LNPEP: variants seen among roughly 807,000 people sequenced by gnomAD.
The protein encoded by LNPEP is leucyl-cystinyl aminopeptidase.
Under a neutral mutation model 120.6 loss-of-function variants are expected in LNPEP, and 64 were observed. That is an observed-to-expected ratio of 0.53 (90% CI 0.43 to 0.65). The LOEUF (loss-of-function observed/expected upper bound fraction) is 0.65, where lower values mean the gene tolerates loss of function less well. Ranked by LOEUF, LNPEP falls within the 30% of genes least tolerant of loss-of-function variation. The probability of loss-of-function intolerance (pLI) is 0.00; values close to 1 mark genes in which losing one functional copy is unlikely to be tolerated. For missense variants in LNPEP, 1,057 were observed against 1,200.0 expected, an observed-to-expected ratio of 0.88 and a Z score of 1.76; for synonymous variants, 435 against 425.4, an observed-to-expected ratio of 1.02 and a Z score of -0.28.
At position 97,036,198 on chromosome 5, in the gene LNPEP, G is replaced by A. The variant is rs1470660460; in HGVS notation, c.*7665G>A. 2 of 152,026 alleles carry A rather than the reference G, an allele frequency of 1.3e-5. No individual in the cohort carries two copies. The highest frequency in any genetic ancestry group is 2.4e-5 in the African/African-American group (1 of 41,378). The allele number at this position is 152,026 out of a possible 1,614,324, so 9.4% of individuals were successfully genotyped here. On this transcript the variant is annotated 3_prime_UTR_variant, in exon 18 of 18. Coordinates refer to ENST00000231368, the MANE Select transcript of LNPEP (RefSeq NM_005575.3). ...CTTGGAATGACCCTTTCGAGTTATT[G>A]ACATGGCTCTGATGAATAGAACATG...
At chr5:96,988,408 G>A (rs1790293610) in intron 4 of LNPEP, among the ~76,000 whole-genome samples, 1 of 136,680 alleles carries the variant, frequency 7.3e-6, no homozygotes, top group South Asian at 2.2e-4. Context: ...GCACAATTTC[G>A]GTTCACCACA....
chr5:97,022,301 C>G lies in LNPEP; in HGVS notation c.2378C>G (p.Thr793Ser). The change falls in exon 14 of 18, where the codon ACT (threonine) becomes AGT (serine). Residue 793 changes from threonine to serine, a missense_variant and splice_region_variant. By Grantham distance (58) the Thr-to-Ser change is moderately conservative. Coordinates refer to ENST00000231368, the MANE Select transcript of LNPEP (RefSeq NM_005575.3). The part of the protein sequence containing the change: ...GYMDLASRLV[T>S]RVFKLLQNQI... ...TTATAATCTATTTTGTCTCTCTAGA[C>G]TAGGGTATTTAAATTACTTCAAAAC... 6.4e-7 allele frequency: 1 copy of G among 1,568,162 alleles called. No homozygotes were observed. Among genetic ancestry groups the G allele is most frequent in the Non-Finnish European group, 8.8e-7 (1 of 1,142,002 alleles).
intron 1 of LNPEP, among the ~76,000 whole-genome samples, chr5:96,957,736 T>C (rs958004716): frequency 7.2e-5 from 11 of 152,204 alleles, no homozygotes; most frequent in African/African-American, 2.7e-4. Flanking sequence ...GCTATCTTGA[T>C]TTTAGCCCAG....
At chr5:96,950,778 A>AC (rs1789300524) in intron 1 of LNPEP, among the ~76,000 whole-genome samples, 1 of 152,180 alleles carries the variant, frequency 6.6e-6, no homozygotes, top group Admixed American at 6.5e-5. Flanking sequence ...CACACAACTT[A>AC]AATTATTGTG....
At chr5:96,942,287 C>A (rs1311650633) in intron 1 of LNPEP, 1 of 152,090 alleles carries the variant, frequency 6.6e-6, no homozygotes, top group Admixed American at 6.5e-5. Context: ...GCCGCTCGCT[C>A]TCACCAAAAA....
chr5:96,997,021 C>A (rs1287929387), intron 7 of LNPEP, among the ~76,000 whole-genome samples: 1 of 151,932 alleles, frequency 6.6e-6, no homozygotes, highest in African/African-American at 2.4e-5. Flanking sequence ...ACATTTTATG[C>A]CTTTTTCCAA....
intron 1 of LNPEP, among the ~76,000 whole-genome samples, chr5:96,967,071 G>C (rs1002837039): frequency 1.3e-5 from 2 of 152,030 alleles, no homozygotes; most frequent in Non-Finnish European, 2.9e-5. Context: ...AGGTATAGTG[G>C]AACTTTAGAT....
At chr5:97,021,763 A>G (rs900252644) in intron 13 of LNPEP, among the ~76,000 whole-genome samples, 1 of 152,016 alleles carries the variant, frequency 6.6e-6, no homozygotes, top group South Asian at 2.1e-4. Flanking sequence ...AGCCTTATGC[A>G]TAGCCTTATT....
chr5:97,025,894 G>A (rs553871702), intron 15 of LNPEP, among the ~76,000 whole-genome samples: 155 of 152,184 alleles, frequency 1.0e-3, no homozygotes, highest in African/African-American at 3.3e-3. Context: ...AATCCATCAC[G>A]TTTTGTTGGG....
At chr5:97,014,427 G>A (rs369010546) in intron 12 of LNPEP, among the ~76,000 whole-genome samples, 3 of 151,886 alleles carry the variant, frequency 2.0e-5, no homozygotes, top group South Asian at 2.1e-4. Context: ...CCCTTCTTAC[G>A]TCATCCTAGC....
chr5:96,966,081 C>T (rs1479246981), intron 1 of LNPEP, among the ~76,000 whole-genome samples: 1 of 152,010 alleles, frequency 6.6e-6, no homozygotes, highest in Non-Finnish European at 1.5e-5. Context: ...AAAATTAAAC[C>T]AGAAGTGGCT....
chr5:97,003,666 G>A (rs147515164), intron 9 of LNPEP, 120 bp downstream of exon 9: 8 of 577,134 alleles, frequency 1.4e-5, no homozygotes, highest in African/African-American at 1.1e-4. Flanking sequence ...TTTAAGAAAG[G>A]GGGGGATGGA....
intron 13 of LNPEP, 41 bp from the exon 14 acceptor site, chr5:97,022,259 T>G (rs1791219445): frequency 8.2e-7 from 1 of 1,225,148 alleles, no homozygotes; most frequent in African/African-American, 1.5e-5. Flanking sequence ...CTGATTGTCC[T>G]AATTATTATG....
At chr5:96,989,058 G>A (rs1436525472) in intron 4 of LNPEP, among the ~76,000 whole-genome samples, 1 of 151,716 alleles carries the variant, frequency 6.6e-6, no homozygotes, top group East Asian at 1.9e-4. Context: ...GGAAGAGATA[G>A]AGAAGTTTTA....
intron 2 of LNPEP, among the ~76,000 whole-genome samples, chr5:96,980,256 A>C (rs890845428): frequency 2.6e-5 from 4 of 152,102 alleles, no homozygotes; most frequent in Admixed American, 2.6e-4. Context: ...CACATTTTTA[A>C]GGTGAATCTA....
At position 96,998,152 on chromosome 5, in the gene LNPEP, C is replaced by A. The variant is rs773815312; in HGVS notation, c.1653+7C>A. The A allele has an allele frequency of 6.3e-7, 1 of 1,585,894 alleles. No individual in the cohort carries two copies. Among genetic ancestry groups the A allele is most frequent in the Non-Finnish European group, 8.5e-7 (1 of 1,169,680 alleles). ...TTCTCTTTCCTATTTTAAGGTATTGCTGTGAACAAAAAGGTAGCTGGAGTG... is the reference window on the plus strand; with the variant it reads ...TTCTCTTTCCTATTTTAAGGTATTGATGTGAACAAAAAGGTAGCTGGAGTG... On this transcript the variant is annotated splice_region_variant and intron_variant, in intron 8 of 17. Coordinates refer to ENST00000231368, the MANE Select transcript of LNPEP (RefSeq NM_005575.3).
rs769219018 is a variant in LNPEP at position 97,027,832 on chromosome 5, A to G, written c.2946+18A>G. 1.3e-6 allele frequency: 2 copies of G among 1,499,888 alleles called. No homozygotes were observed. The highest frequency in any genetic ancestry group is 9.3e-7 in the Non-Finnish European group (1 of 1,075,924). The allele number at this position is 1,499,888 out of a possible 1,614,324, so 92.9% of individuals were successfully genotyped here. A position where few individuals can be genotyped will look rare whatever the true frequency, so the allele number is the denominator to read the frequency against. ...TATCTGAGGTTGGTTTTATAAAATG[A>G]TAATACAGAGACTGGGCAACCCTCC... is the stretch of plus-strand genomic sequence containing the variant. On this transcript the variant is annotated intron_variant, in intron 17 of 17. Coordinates refer to ENST00000231368, the MANE Select transcript of LNPEP (RefSeq NM_005575.3).
intron 1 of LNPEP, among the ~76,000 whole-genome samples, chr5:96,955,007 C>G (rs561156120): frequency 6.7e-6 from 1 of 149,870 alleles, no homozygotes; most frequent in South Asian, 2.1e-4. Context: ...TGGTCTCCAT[C>G]TCCTGACCTC....
At position 97,036,681 on chromosome 5, in the gene LNPEP, A is replaced by G. The variant is rs369874989; in HGVS notation, c.*8148A>G. The G allele has an allele frequency of 2.0e-5, 3 of 152,088 alleles. No homozygotes were observed. Among genetic ancestry groups the G allele is most frequent in the Non-Finnish European group, 4.4e-5 (3 of 68,018 alleles). The allele number at this position is 152,088 out of a possible 1,614,324, so 9.4% of individuals were successfully genotyped here. A position where few individuals can be genotyped will look rare whatever the true frequency, so the allele number is the denominator to read the frequency against. On this transcript the variant is annotated 3_prime_UTR_variant, in exon 18 of 18. Coordinates refer to ENST00000231368, the MANE Select transcript of LNPEP (RefSeq NM_005575.3). ...TACTACTCCATGCTGAAGATTTGCC[A>G]TATTACTATTTTGGAAACATTGAGT...
Sources: allele counts gnomAD v4.1 joint callset (sites outside exome capture counted in the v4.1 genomes callset), GRCh38; gene constraint gnomAD v4.1.1; transcripts MANE v1.5; gene names NCBI Gene and HGNC (gene_info 2026-07-23, HGNC 2026-07-21).